ARSB: variants seen among roughly 807,000 people sequenced by gnomAD.
ARSB encodes N-acetylgalactosamine-4-sulfatase.
In ARSB, 41 loss-of-function variants were observed where a neutral mutation model predicts 50.9. That is an observed-to-expected ratio of 0.81 (90% CI 0.63 to 1.04). The LOEUF (loss-of-function observed/expected upper bound fraction) is 1.04. Among genes scored for constraint, ARSB ranks in the 50% least tolerant of loss-of-function variants. The pLI, the probability that ARSB is intolerant of heterozygous loss-of-function variation, is 0.00. For synonymous variants in ARSB, 269 were observed against 284.8 expected (o/e 0.94, Z 0.56); for missense variants, 672 against 693.3 (o/e 0.97, Z 0.35).
At chr5:78,910,394 A>G (rs570431965) in intron 4 of ARSB, among the ~76,000 whole-genome samples, 2 of 152,354 alleles carry the variant, frequency 1.3e-5, no homozygotes, top group South Asian at 4.1e-4. Flanking sequence ...CTGAAGGTCC[A>G]ATAAAAATAA....
intron 4 of ARSB, among the ~76,000 whole-genome samples, chr5:78,889,493 G>GT (rs1251450794): frequency 6.6e-6 from 1 of 152,124 alleles, no homozygotes; most frequent in Non-Finnish European, 1.5e-5. Context: ...GCAAAGAAAC[G>GT]TTTTTTCAGG....
chr5:78,806,595 C>T (rs993559593), intron 6 of ARSB, among the ~76,000 whole-genome samples: 6 of 152,180 alleles, frequency 3.9e-5, no homozygotes, highest in Admixed American at 2.6e-4. Flanking sequence ...AGTTCCTTGT[C>T]AGTCACTCCT....
chr5:78,866,267 A>G (rs1746727311), intron 5 of ARSB, among the ~76,000 whole-genome samples: 1 of 152,206 alleles, frequency 6.6e-6, no homozygotes, highest in Non-Finnish European at 1.5e-5. Context: ...CACGTTTTAC[A>G]TGAATGGCAG....
At position 78,809,904 on chromosome 5, in the gene ARSB, G is replaced by T. The variant is rs72762946; in HGVS notation, c.1214-27930C>A. 2.3e-3 allele frequency among the ~76,000 whole-genome samples: 349 copies of T among 152,318 alleles called. 4 individuals are homozygous for T. The highest frequency in any genetic ancestry group is 3.3e-3 in the Admixed American group (50 of 15,306). The stretch of plus-strand genomic sequence containing the variant: ...GACCATGGGCCACAGAGAGGAATAG[G>T]GGGCAGCTGATGCTGGCAGTTGTAG... On this transcript the variant is annotated intron_variant, in intron 6 of 7. Transcript: ENST00000264914.
At chr5:78,926,677 A>G (rs1313345923) in intron 4 of ARSB, among the ~76,000 whole-genome samples, 1 of 152,220 alleles carries the variant, frequency 6.6e-6, no homozygotes, top group Non-Finnish European at 1.5e-5. Context: ...CTTACAGTCT[A>G]CTATGTGTTA....
intron 6 of ARSB, among the ~76,000 whole-genome samples, chr5:78,787,269 G>T (rs776480551): frequency 6.6e-6 from 1 of 152,256 alleles, no homozygotes; most frequent in South Asian, 2.1e-4. Context: ...TCTTATGCCA[G>T]TACCACACTA....
chr5:78,853,972 T>C (rs1463208359), intron 5 of ARSB, among the ~76,000 whole-genome samples: 1 of 152,246 alleles, frequency 6.6e-6, no homozygotes, highest in Admixed American at 6.5e-5. Context: ...CACCCCTTTC[T>C]TTGACTAGGA....
At chr5:78,934,452 A>AT (rs1294946029) in intron 4 of ARSB, among the ~76,000 whole-genome samples, 2 of 152,152 alleles carry the variant, frequency 1.3e-5, no homozygotes, top group African/African-American at 4.8e-5. Flanking sequence ...TATAAATATG[A>AT]TTGCTGATAT....
At chr5:78,945,995 C>T (rs1007654777) in intron 4 of ARSB, among the ~76,000 whole-genome samples, 1 of 152,230 alleles carries the variant, frequency 6.6e-6, no homozygotes, top group African/African-American at 2.4e-5. Flanking sequence ...TACCTGTCTA[C>T]TTCACTAGAG....
At chr5:78,976,856 A>G (rs1365491314) in intron 1 of ARSB, among the ~76,000 whole-genome samples, 1 of 152,076 alleles carries the variant, frequency 6.6e-6, no homozygotes, top group Non-Finnish European at 1.5e-5. Context: ...ACCCAGGGAG[A>G]CCCAGCCTCC....
intron 6 of ARSB, among the ~76,000 whole-genome samples, chr5:78,810,704 C>G (rs1367176443): frequency 1.3e-5 from 2 of 152,182 alleles, no homozygotes; most frequent in Admixed American, 1.3e-4. Flanking sequence ...CAGCTGCAAA[C>G]AGTAAGTGCC....
chr5:78,944,030 A>G (rs891881718), intron 4 of ARSB, among the ~76,000 whole-genome samples: 10 of 152,090 alleles, frequency 6.6e-5, no homozygotes, highest in African/African-American at 2.2e-4. Context: ...CATTCATTTG[A>G]TCTTGAATCA....
At chr5:78,854,056 G>A (rs371091150) in intron 5 of ARSB, among the ~76,000 whole-genome samples, 8 of 152,254 alleles carry the variant, frequency 5.3e-5, no homozygotes, top group East Asian at 3.8e-4. Flanking sequence ...CGCATGGTGC[G>A]CTGCACCCAC....
At chr5:78,792,480 T>C (rs1742993253) in intron 6 of ARSB, among the ~76,000 whole-genome samples, 1 of 152,204 alleles carries the variant, frequency 6.6e-6, no homozygotes, top group Non-Finnish European at 1.5e-5. Flanking sequence ...TCACTCTAGT[T>C]CTGAAAAGTA....
intron 4 of ARSB, among the ~76,000 whole-genome samples, chr5:78,927,795 T>C (rs545214302): frequency 1.3e-5 from 2 of 152,242 alleles, no homozygotes; most frequent in Admixed American, 6.5e-5. Context: ...AATTGCCTAA[T>C]GATTCACAAC....
At chr5:78,872,765 T>C (rs1323386774) in intron 5 of ARSB, among the ~76,000 whole-genome samples, 2 of 146,520 alleles carry the variant, frequency 1.4e-5, no homozygotes, top group African/African-American at 5.1e-5. Context: ...TGTATACATA[T>C]GTAACTAACC....
At chr5:78,850,869 G>C (rs1351434871) in intron 5 of ARSB, among the ~76,000 whole-genome samples, 3 of 152,220 alleles carry the variant, frequency 2.0e-5, no homozygotes, top group Non-Finnish European at 4.4e-5. Context: ...AGTATTCTCT[G>C]ATGGTAGTTT....
chr5:78,898,831 G>A (rs1187072104), intron 4 of ARSB, among the ~76,000 whole-genome samples: 2 of 152,216 alleles, frequency 1.3e-5, no homozygotes, highest in Admixed American at 1.3e-4. Context: ...AGAGTTATGA[G>A]TGGATTGCAT....
intron 4 of ARSB, among the ~76,000 whole-genome samples, chr5:78,917,425 A>T (rs1749604232): frequency 1.3e-5 from 2 of 151,944 alleles, no homozygotes; most frequent in African/African-American, 4.8e-5. Context: ...GCCCATCTGA[A>T]GTCATTTTTT....
Sources: gnomAD v4.1 joint callset for allele counts (sites outside exome capture counted in the v4.1 genomes callset) on GRCh38, gnomAD v4.1.1 for gene constraint, MANE v1.5 for transcripts, NCBI Gene and HGNC (gene_info 2026-07-23, HGNC 2026-07-21) for gene names.